RGL1: variants seen among roughly 807,000 people sequenced by gnomAD.
The protein encoded by RGL1 is ral guanine nucleotide dissociation stimulator-like 1.
A neutral mutation model predicts 95.2 loss-of-function variants in RGL1; 24 were observed. That is an observed-to-expected ratio of 0.25 (90% CI 0.18 to 0.35). The LOEUF (loss-of-function observed/expected upper bound fraction) is 0.35. Among genes scored for constraint, RGL1 ranks in the 10% least tolerant of loss-of-function variants. The pLI is 1.00. For missense variants in RGL1, 715 were observed against 936.3 expected, an observed-to-expected ratio of 0.76 and a Z score of 3.08; for synonymous variants, 329 against 344.9, an observed-to-expected ratio of 0.95 and a Z score of 0.51.
chr1:183,681,617 G>T (rs1653219372), intron 1 of RGL1, among the ~76,000 whole-genome samples: 1 of 152,204 alleles, frequency 6.6e-6, no homozygotes, highest in South Asian at 2.1e-4. Flanking sequence ...GTTCATCAAA[G>T]ATATTGGCCT....
chr1:183,849,008 A>G (rs1439608393), intron 3 of RGL1, among the ~76,000 whole-genome samples: 1 of 152,168 alleles, frequency 6.6e-6, no homozygotes, highest in Non-Finnish European at 1.5e-5. Flanking sequence ...TATATTTATC[A>G]TATGACACAT....
chr1:183,657,465 A>G (rs189097750), intron 1 of RGL1, among the ~76,000 whole-genome samples: 10,288 of 149,878 alleles, frequency 0.069, 588 homozygotes, highest in African/African-American at 0.16. Context: ...AACAGTCCCC[A>G]GTGTGTGATG....
intron 1 of RGL1, among the ~76,000 whole-genome samples, chr1:183,688,839 A>G (rs1653774363): frequency 6.6e-6 from 1 of 152,184 alleles, no homozygotes; most frequent in Non-Finnish European, 1.5e-5. Context: ...TGTGAATCAT[A>G]TTTGGATTTT....
rs1489104837 is a variant in RGL1, at chr1:183,926,313, T to C, written c.*21T>C. On this transcript the variant is annotated 3_prime_UTR_variant, in exon 18 of 18. Transcript: ENST00000360851. Reference sequence around the variant, plus strand: ...TCTGAAGGGAGGGACCAGTGGCCCCTTGTTTGCCAAAGGCAGAGTGGGGCT... The same window carrying C: ...TCTGAAGGGAGGGACCAGTGGCCCCCTGTTTGCCAAAGGCAGAGTGGGGCT... 6.3e-7 allele frequency: 1 copy of C among 1,586,998 alleles called. No homozygotes were observed. Among genetic ancestry groups the C allele is most frequent in the African/African-American group, 1.4e-5 (1 of 73,864 alleles).
chr1:183,766,976 A>T (rs766756937), intron 2 of RGL1, among the ~76,000 whole-genome samples: 4 of 152,026 alleles, frequency 2.6e-5, no homozygotes, highest in Non-Finnish European at 5.9e-5. Context: ...AGCACTTTGG[A>T]AAGCCAAGGT....
At chr1:183,641,616 T>G (rs1032111226) in intron 1 of RGL1, among the ~76,000 whole-genome samples, 2 of 152,222 alleles carry the variant, frequency 1.3e-5, no homozygotes, top group Non-Finnish European at 2.9e-5. Flanking sequence ...ATAGTTTTAT[T>G]TATTTGTGCT....
intron 3 of RGL1, among the ~76,000 whole-genome samples, chr1:183,857,708 T>C (rs751395543): frequency 3.9e-5 from 6 of 152,252 alleles, no homozygotes; most frequent in Admixed American, 1.3e-4. Flanking sequence ...TTGAGAATTA[T>C]ATCCAACCAT....
chr1:183,850,981 C>T (rs1664793134), intron 3 of RGL1, among the ~76,000 whole-genome samples: 1 of 152,158 alleles, frequency 6.6e-6, no homozygotes, highest in Non-Finnish European at 1.5e-5. Context: ...GACATATACA[C>T]ACAGGAACTG....
intron 8 of RGL1, among the ~76,000 whole-genome samples, chr1:183,890,124 A>T (rs1193392476): frequency 6.6e-6 from 1 of 152,064 alleles, no homozygotes; most frequent in Non-Finnish European, 1.5e-5. Context: ...CTCTCCACTC[A>T]ACTGTAGTAT....
chr1:183,881,809 G>A (rs1286926677), intron 5 of RGL1, among the ~76,000 whole-genome samples: 1 of 152,246 alleles, frequency 6.6e-6, no homozygotes, highest in Non-Finnish European at 1.5e-5. Context: ...CTATATCTCA[G>A]ATGACTTCAT....
At chr1:183,643,316 G>A (rs1295210869) in intron 1 of RGL1, among the ~76,000 whole-genome samples, 3 of 139,642 alleles carry the variant, frequency 2.1e-5, no homozygotes, top group South Asian at 2.3e-4. Flanking sequence ...ATTTTGAGAC[G>A]GGGTCTCACT....
intron 1 of RGL1, among the ~76,000 whole-genome samples, chr1:183,661,031 C>T (rs1180681927): frequency 1.3e-5 from 2 of 151,906 alleles, no homozygotes; most frequent in African/African-American, 4.8e-5. Context: ...CAGAACATAC[C>T]AGAATCTCTG....
chr1:183,728,137 C>A (rs950990954), intron 1 of RGL1, among the ~76,000 whole-genome samples: 1 of 152,182 alleles, frequency 6.6e-6, no homozygotes, highest in Non-Finnish European at 1.5e-5. Flanking sequence ...TGCAGTCAGA[C>A]TGGAACTTAT....
chr1:183,811,427 A>G (rs1030734695), intron 2 of RGL1, among the ~76,000 whole-genome samples: 2 of 152,232 alleles, frequency 1.3e-5, no homozygotes, highest in Non-Finnish European at 2.9e-5. Flanking sequence ...ATAGTTGGTC[A>G]TCCTTGTTTT....
intron 1 of RGL1, among the ~76,000 whole-genome samples, chr1:183,688,418 TC>T (rs1280731026): frequency 1.3e-5 from 2 of 152,046 alleles, no homozygotes; most frequent in Non-Finnish European, 2.9e-5. Flanking sequence ...TTTTGGAGCA[TC>T]CTCCAGGCTC....
chr1:183,868,310 G>A (rs907672789), intron 4 of RGL1, among the ~76,000 whole-genome samples: 1 of 152,226 alleles, frequency 6.6e-6, no homozygotes, highest in African/African-American at 2.4e-5. Context: ...ATTTCTTGCA[G>A]GAGAGTTTGG....
chr1:183,720,384 G>A lies in RGL1; in HGVS notation c.-32-21742G>A, dbSNP rs184687214. 1.0e-3 allele frequency among the ~76,000 whole-genome samples: 152 copies of A among 152,248 alleles called. 1 individual carries two copies. Among genetic ancestry groups the A allele is most frequent in the Admixed American group, 2.1e-3 (32 of 15,290 alleles). On this transcript the variant is annotated intron_variant, in intron 1 of 18. Coordinates refer to the RGL1 transcript ENST00000304685. The stretch of plus-strand genomic sequence containing the variant: ...GCCCTGAAGTGAAATCTTTCATACC[G>A]TCCCTATACTCCCTCTTCACACACA...
At chr1:183,916,405 C>A in intron 15 of RGL1, 42 bp from the exon 16 acceptor site, 1 of 1,600,684 alleles carries the variant, frequency 6.2e-7, no homozygotes, top group Non-Finnish European at 8.5e-7. Flanking sequence ...TGTTGGCCAG[C>A]GTTCTAATCT....
chr1:183,859,933 A>G (rs1182255234), intron 3 of RGL1, among the ~76,000 whole-genome samples: 1 of 152,200 alleles, frequency 6.6e-6, no homozygotes, highest in Non-Finnish European at 1.5e-5. Context: ...CAGAGTAATT[A>G]AAACCACACT....
Sources: gnomAD v4.1 joint callset for allele counts (sites outside exome capture counted in the v4.1 genomes callset) on GRCh38, gnomAD v4.1.1 for gene constraint, MANE v1.5 for transcripts, NCBI Gene and HGNC (gene_info 2026-07-23, HGNC 2026-07-21) for gene names.